GATA4: variants seen among roughly 807,000 people sequenced by gnomAD.
GATA4 encodes the protein GATA binding protein 4.
A neutral mutation model predicts 37.9 loss-of-function variants in GATA4; 7 were observed. That is an observed-to-expected ratio of 0.18 (90% CI 0.11 to 0.35). GATA4 has a LOEUF of 0.35. Among genes scored for constraint, GATA4 ranks in the 10% least tolerant of loss-of-function variants. The probability of loss-of-function intolerance (pLI) is 1.00; values close to 1 mark genes in which losing one functional copy is unlikely to be tolerated. For synonymous variants in GATA4, 372 were observed against 292.6 expected (o/e 1.27, Z -2.77); for missense variants, 647 against 653.0 (o/e 0.99, Z 0.10).
intron 2 of GATA4, among the ~76,000 whole-genome samples, chr8:11,730,662 A>G (rs1329671770): frequency 2.0e-5 from 3 of 152,174 alleles, no homozygotes; most frequent in Non-Finnish European, 2.9e-5. Flanking sequence ...AAGGGATGAT[A>G]TTTGGTGGTA....
chr8:11,724,611 C>A (rs1425468468), intron 2 of GATA4, among the ~76,000 whole-genome samples: 1 of 152,248 alleles, frequency 6.6e-6, no homozygotes. Flanking sequence ...ATTGGGCTCA[C>A]CTCCAGTGTT....
At chr8:11,685,524 T>C (rs1322065655) in intron 1 of GATA4, among the ~76,000 whole-genome samples, 1 of 152,226 alleles carries the variant, frequency 6.6e-6, no homozygotes, top group Non-Finnish European at 1.5e-5. Flanking sequence ...AAATCATTTG[T>C]TCCAGAGAAT....
chr8:11,677,701 G>T (rs1031176607), intron 1 of GATA4, among the ~76,000 whole-genome samples: 1 of 152,176 alleles, frequency 6.6e-6, no homozygotes, highest in African/African-American at 2.4e-5. Context: ...AGAGCTCTCA[G>T]AGTCGGATAC....
At chr8:11,747,017 G>A (rs1490956132) in intron 2 of GATA4, among the ~76,000 whole-genome samples, 4 of 152,172 alleles carry the variant, frequency 2.6e-5, no homozygotes, top group Non-Finnish European at 5.9e-5. Context: ...AAGTAGCTGG[G>A]CCACATAACT....
At chr8:11,718,805 C>T (rs1800542959) in intron 2 of GATA4, among the ~76,000 whole-genome samples, 1 of 152,226 alleles carries the variant, frequency 6.6e-6, no homozygotes, top group East Asian at 1.9e-4. Flanking sequence ...TAGAACTGAT[C>T]GATAGCAACT....
upstream of GATA4, among the ~76,000 whole-genome samples, chr8:11,701,577 G>A (rs1485130836): frequency 1.3e-5 from 2 of 152,322 alleles, no homozygotes; most frequent in East Asian, 3.9e-4. Flanking sequence ...CTTGGCCCAA[G>A]GGAGGGAGGG....
At chr8:11,722,142 C>A (rs941178689) in intron 2 of GATA4, among the ~76,000 whole-genome samples, 1 of 152,088 alleles carries the variant, frequency 6.6e-6, no homozygotes, top group African/African-American at 2.4e-5. Context: ...ACCACCACAC[C>A]CCACCTAAAT....
At chr8:11,748,350 C>G (rs1345590288) in intron 2 of GATA4, among the ~76,000 whole-genome samples, 1 of 152,118 alleles carries the variant, frequency 6.6e-6, no homozygotes, top group Non-Finnish European at 1.5e-5. Flanking sequence ...TATGACTGCA[C>G]CACTGTACTC....
intron 1 of GATA4, among the ~76,000 whole-genome samples, chr8:11,681,668 C>T (rs1476987165): frequency 1.3e-5 from 2 of 151,974 alleles, no homozygotes; most frequent in African/African-American, 2.4e-5. Context: ...TTTTTCATCC[C>T]CTTTCTCTCT....
At chr8:11,687,305 A>C (rs1309049714) in intron 1 of GATA4, among the ~76,000 whole-genome samples, 1 of 152,110 alleles carries the variant, frequency 6.6e-6, no homozygotes, top group African/African-American at 2.4e-5. Flanking sequence ...AGTTTTTTTT[A>C]GGCATCCATA....
At chr8:11,741,939 G>T (rs955156240) in intron 2 of GATA4, among the ~76,000 whole-genome samples, 9 of 152,212 alleles carry the variant, frequency 5.9e-5, no homozygotes, top group Admixed American at 5.9e-4. Flanking sequence ...GGCAGCGCTG[G>T]TGGGACGCTG....
At chr8:11,756,646 G>C (rs1428964952) in intron 5 of GATA4, 11 of 502,008 alleles carry the variant, frequency 2.2e-5, no homozygotes, top group East Asian at 1.5e-4. Flanking sequence ...ATAATACACA[G>C]TATTTGGATT....
At position 11,758,548 on chromosome 8, in the gene GATA4, C is replaced by A; in HGVS notation, c.*73C>A. On this transcript the variant is annotated 3_prime_UTR_variant, in exon 7 of 7. Coordinates refer to ENST00000532059, the MANE Select transcript of GATA4 (RefSeq NM_001308093.3). ...GGATAGCAAAGAAGGAGGCCCTGGG[C>A]TCCCAGGGGCCGGCCTCCTCTGCCT... 8 of 1,478,788 alleles carry A rather than the reference C, an allele frequency of 5.4e-6. No individual in the cohort carries two copies. The highest frequency in any genetic ancestry group is 7.6e-6 in the Non-Finnish European group (8 of 1,057,676). 91.6% of individuals were successfully genotyped at this position (1,478,788 alleles called of 1,614,324 possible).
intron 2 of GATA4, among the ~76,000 whole-genome samples, chr8:11,734,913 T>C (rs1034665031): frequency 2.0e-5 from 3 of 152,242 alleles, no homozygotes; most frequent in African/African-American, 4.8e-5. Flanking sequence ...AGATCTAAAT[T>C]TGGGTTATTC....
chr8:11,686,848 A>G (rs1799152443), intron 1 of GATA4, among the ~76,000 whole-genome samples: 1 of 152,006 alleles, frequency 6.6e-6, no homozygotes. Context: ...AAATACAAAA[A>G]TTACCTGGGC....
At chr8:11,688,337 C>G (rs7459686), upstream of GATA4, among the ~76,000 whole-genome samples, 1 of 152,174 alleles carries the variant, frequency 6.6e-6, no homozygotes, top group Non-Finnish European at 1.5e-5. Context: ...ATACAGAGCT[C>G]TATATTTGAC....
At position 11,707,476 on chromosome 8, in the gene GATA4, G is replaced by A. The variant is rs900095648; in HGVS notation, c.-457-380G>A. 3.3e-5 allele frequency among the ~76,000 whole-genome samples: 5 copies of A among 152,136 alleles called. No individual in the cohort carries two copies. Among genetic ancestry groups the A allele is most frequent in the Middle Eastern group, 3.4e-3 (1 of 294 alleles). ...AACAGAGGAGATGAGAGATTTCTTG[G>A]GTCCCAGGCACTCTGCATTAACGCC... On this transcript the variant is annotated intron_variant, in intron 1 of 6. Coordinates refer to ENST00000532059, the MANE Select transcript of GATA4 (RefSeq NM_001308093.3). This position sits in a 1 kb window ranked among gnomAD's most constrained non-coding sequence, Gnocchi z 4.7.
chr8:11,749,540 G>T lies in GATA4; in HGVS notation c.786+455G>T, dbSNP rs1045997486. On this transcript the variant is annotated intron_variant, in intron 3 of 6. Coordinates refer to ENST00000532059, the MANE Select transcript of GATA4 (RefSeq NM_001308093.3). The surrounding 1 kb of genome is among the most constrained non-coding windows in gnomAD (Gnocchi z 4.6). The stretch of plus-strand genomic sequence containing the variant: ...CAGAAGTGCAAGCAGCTTGTGTTGG[G>T]CCCCGTGGCTAGGGAAGAGTTTGGG... Among the ~76,000 whole-genome samples the T allele has an allele frequency of 2.0e-5, 3 of 152,206 alleles. No individual in the cohort carries two copies. Among genetic ancestry groups the T allele is most frequent in the Non-Finnish European group, 4.4e-5 (3 of 68,040 alleles).
chr8:11,703,610 A>T (rs1156397609), upstream of GATA4, among the ~76,000 whole-genome samples: 1 of 152,242 alleles, frequency 6.6e-6, no homozygotes, highest in African/African-American at 2.4e-5. Context: ...ATTGAGGCTG[A>T]GGCCTGGGCT....
Sources: gnomAD v4.1 joint callset for allele counts (sites outside exome capture counted in the v4.1 genomes callset) on GRCh38, gnomAD v4.1.1 for gene constraint, Gnocchi (gnomAD v3.1) non-coding constraint, MANE v1.5 for transcripts, NCBI Gene and HGNC (gene_info 2026-07-23, HGNC 2026-07-21) for gene names.